The following GOLGB1 variants were observed in gnomAD, a reference collection of about 807,000 sequenced individuals.
GOLGB1 encodes the protein golgin subfamily B member 1.
In GOLGB1, 174 loss-of-function variants were observed where a neutral mutation model predicts 336.9. The ratio of observed to expected loss-of-function variants is 0.52; its 90% CI spans 0.46 to 0.59. The LOEUF (loss-of-function observed/expected upper bound fraction) is 0.59. Among genes scored for constraint, GOLGB1 ranks in the 20% least tolerant of loss-of-function variants. GOLGB1 has a pLI of 0.00. For missense variants in GOLGB1, 3,331 were observed against 3,645.3 expected (o/e 0.91, Z 2.22); for synonymous variants, 1,208 against 1,289.2 (o/e 0.94, Z 1.35).
At position 121,716,823 on chromosome 3, in the gene GOLGB1, T is replaced by A; in HGVS notation, c.1202A>T (p.Asp401Val). 6.2e-7 allele frequency: 1 copy of A among 1,612,970 alleles called. No homozygotes were observed. ...CTTTGAATTTTGATCCTTTAGAGCA[T>A]CACAGGCAGACTGCAGCTCTTGTCC... ...KTGQELQSAC[D>V]ALKDQNSKLL... The change falls in exon 9 of 22, where the codon GAT becomes GTT. Residue 401 changes from aspartate to valine, a missense_variant. By Grantham distance (152) the Asp-to-Val change is radical. Coordinates refer to ENST00000614479, the MANE Select transcript of GOLGB1 (RefSeq NM_001366282.2).
intron 6 of GOLGB1, 64 bp from the exon 7 acceptor site, chr3:121,719,832 C>A: frequency 7.1e-7 from 1 of 1,408,074 alleles, no homozygotes. Flanking sequence ...AAATAAAACT[C>A]ACAGACTACT....
intron 5 of GOLGB1, among the ~76,000 whole-genome samples, 194 bp downstream of exon 5, chr3:121,726,719 C>T (rs1459028779): frequency 6.6e-6 from 1 of 151,856 alleles, no homozygotes; most frequent in Non-Finnish European, 1.5e-5. Flanking sequence ...CTATGAATAA[C>T]AACTAAAAAT....
intron 2 of GOLGB1, 175 bp from the exon 3 acceptor site, chr3:121,730,192 T>G: frequency 2.1e-6 from 1 of 485,676 alleles, no homozygotes; most frequent in Non-Finnish European, 3.6e-6. Context: ...ATTAAGTATT[T>G]TATAAATGTT....
chr3:121,746,470 TTTATTTATTTATTTAA>T (rs1947291649), intron 1 of GOLGB1, among the ~76,000 whole-genome samples: 1 of 116,246 alleles, frequency 8.6e-6, no homozygotes, highest in Non-Finnish European at 1.8e-5. Flanking sequence ...TATTTATTTA[TTTATTTATTTATTTAA>T]TGTTATTTAT....
In GOLGB1 at chr3:121,697,233, G is replaced by A. The variant is rs1158048449; in HGVS notation, c.3290C>T (p.Ala1097Val). Residue 1097 changes from alanine (A) to valine (V), a missense_variant, in exon 13 of 22, where the codon GCT becomes GTT. Ala to Val is a moderately conservative substitution (Grantham distance 64). Transcript: ENST00000614479. ...GGTCTGATTCATCTGTTTGACCAGA[G>A]CCTGGAATTGCTCTTCAGCTGCCAG... ...EKLAAEEQFQ[A>V]LVKQMNQTLQ... The A allele has an allele frequency of 6.2e-7, 1 of 1,613,956 alleles. No individual in the cohort carries two copies. The highest frequency in any genetic ancestry group is 1.3e-5 in the African/African-American group (1 of 74,918).
At chr3:121,722,747 C>G (rs902852287) in intron 5 of GOLGB1, among the ~76,000 whole-genome samples, 12 of 152,088 alleles carry the variant, frequency 7.9e-5, no homozygotes, top group African/African-American at 2.7e-4. Flanking sequence ...TAGAGTCTTA[C>G]ATTGTGTAAG....
intron 10 of GOLGB1, among the ~76,000 whole-genome samples, chr3:121,703,995 A>G (rs1943613831): frequency 6.6e-6 from 1 of 152,174 alleles, no homozygotes; most frequent in African/African-American, 2.4e-5. Context: ...AATAAACATA[A>G]TATCTGAAAT....
At chr3:121,688,705 G>T (rs1422654154) in intron 14 of GOLGB1, among the ~76,000 whole-genome samples, 1 of 151,336 alleles carries the variant, frequency 6.6e-6, no homozygotes, top group East Asian at 2.0e-4. Flanking sequence ...AGTGAGGAGC[G>T]TCTCTGCCCG....
Position 121,695,102 on chromosome 3 carries a change from A to C in GOLGB1, c.5421T>G (p.Ser1807=), listed in dbSNP as rs1322838207. Residue 1807 remains serine, a synonymous_variant, in exon 13 of 22, where the codon TCT becomes TCG. Transcript: ENST00000614479. ...SIPGETEEQD[S]LSMSTRPTCS... ...ATGTAGGTCTTGTGCTCATACTCAGAGAGTCTTGCTCTTCAGTCTCACCTG... is the reference window on the plus strand; with the variant it reads ...ATGTAGGTCTTGTGCTCATACTCAGCGAGTCTTGCTCTTCAGTCTCACCTG... 1 of 1,613,098 alleles carries C rather than the reference A, an allele frequency of 6.2e-7. No homozygotes were observed. The highest frequency in any genetic ancestry group is 8.5e-7 in the Non-Finnish European group (1 of 1,179,924).
In GOLGB1 at chr3:121,691,858, G is replaced by A; in HGVS notation, c.7506C>T (p.Leu2502=). 1 of 1,612,514 alleles carries A rather than the reference G, an allele frequency of 6.2e-7. No homozygotes were observed. The highest frequency in any genetic ancestry group is 8.5e-7 in the Non-Finnish European group (1 of 1,178,798). ...TATTCTCTGCAGCAGCCTCTTGGAT[G>A]AGTTGGTCTTTTTCCAAGATTATAG... ...HLSIILEKDQ[L]IQEAAAENNK... is the part of the protein sequence containing the mutation. Residue 2502 remains leucine, a synonymous_variant, in exon 14 of 22, where the codon CTC becomes CTT. Coordinates refer to ENST00000614479, the MANE Select transcript of GOLGB1 (RefSeq NM_001366282.2).
chr3:121,747,997 T>G (rs1464255145), intron 1 of GOLGB1, among the ~76,000 whole-genome samples: 2 of 152,066 alleles, frequency 1.3e-5, no homozygotes, highest in Non-Finnish European at 2.9e-5. Context: ...AATTAATGAA[T>G]GATTTATTTT....
Position 121,730,985 on chromosome 3 carries a change from G to C in GOLGB1, c.-2-12C>G. 2 of 1,606,568 alleles carry C rather than the reference G, an allele frequency of 1.2e-6. No individual in the cohort carries two copies. The highest frequency in any genetic ancestry group is 2.2e-5 in the South Asian group (2 of 89,874). ...TCGGCTCAGCATTTCTGTAGGAAAA[G>C]AAGGGGGGAAAAAACCTAAGAATCA... On this transcript the variant is annotated splice_polypyrimidine_tract_variant and intron_variant, in intron 1 of 21. Transcript: ENST00000614479.
rs774733107 is a variant in GOLGB1, at chr3:121,698,938, A to C, written c.1594-9T>G. 6.7e-7 allele frequency: 1 copy of C among 1,496,246 alleles called. No homozygotes were observed. Among genetic ancestry groups the C allele is most frequent in the Non-Finnish European group, 8.9e-7 (1 of 1,119,440 alleles). 92.7% of individuals were successfully genotyped at this position (1,496,246 alleles called of 1,614,324 possible). ...ATATCAACAATGCTGATCTATTTTT[A>C]AAAAAGAAAAAAAAAGCTGTAATCA... On this transcript the variant is annotated splice_polypyrimidine_tract_variant and intron_variant, in intron 12 of 21. Coordinates refer to ENST00000614479, the MANE Select transcript of GOLGB1 (RefSeq NM_001366282.2).
chr3:121,715,431 G>A (rs1944684262), intron 9 of GOLGB1, among the ~76,000 whole-genome samples: 1 of 146,296 alleles, frequency 6.8e-6, no homozygotes. Flanking sequence ...TGGCCAGGCT[G>A]GTCTCGAACT....
At chr3:121,687,193 C>T (rs1297046418) in intron 14 of GOLGB1, among the ~76,000 whole-genome samples, 3 of 151,980 alleles carry the variant, frequency 2.0e-5, no homozygotes, top group Non-Finnish European at 4.4e-5. Flanking sequence ...ACCTGGGAGG[C>T]GGAGGTTGCA....
At chr3:121,734,149 G>T (rs1466230419) in intron 1 of GOLGB1, among the ~76,000 whole-genome samples, 4 of 152,078 alleles carry the variant, frequency 2.6e-5, no homozygotes, top group African/African-American at 9.7e-5. Flanking sequence ...CAGCACTTTG[G>T]GAGGCTGAGG....
chr3:121,695,707 T>C lies in GOLGB1; in HGVS notation c.4816A>G (p.Ser1606Gly). 1 of 1,611,706 alleles carries C rather than the reference T, an allele frequency of 6.2e-7. No individual in the cohort carries two copies. Among genetic ancestry groups the C allele is most frequent in the Non-Finnish European group, 8.5e-7 (1 of 1,179,974 alleles). Residue 1606 changes from serine to glycine, a missense_variant, in exon 13 of 22, where the codon AGT becomes GGT. By Grantham distance (56) the Ser-to-Gly change is moderately conservative (BLOSUM62 0). Transcript: ENST00000614479. ...TTGTGTTTCTCTTGCCACTCAGTACTTTCTGCAATCTTAGAAGATTTCAAA... is the reference window on the plus strand; with the variant it reads ...TTGTGTTTCTCTTGCCACTCAGTACCTTCTGCAATCTTAGAAGATTTCAAA... ...ESLKSSKIAE[S>G]TEWQEKHKEL...
intron 14 of GOLGB1, among the ~76,000 whole-genome samples, chr3:121,687,665 G>C (rs760408159): frequency 1.3e-5 from 2 of 152,168 alleles, no homozygotes; most frequent in Non-Finnish European, 2.9e-5. Flanking sequence ...CTATCCAGCA[G>C]ACAAAAATGT....
At chr3:121,724,054 G>A (rs1020195296) in intron 5 of GOLGB1, among the ~76,000 whole-genome samples, 4 of 152,040 alleles carry the variant, frequency 2.6e-5, no homozygotes, top group Admixed American at 6.6e-5. Flanking sequence ...AAGAGAAAAC[G>A]GACTAAAAAG....
Sources: allele counts gnomAD v4.1 joint callset (sites outside exome capture counted in the v4.1 genomes callset), GRCh38; gene constraint gnomAD v4.1.1; transcripts MANE v1.5; gene names NCBI Gene and HGNC (gene_info 2026-07-23, HGNC 2026-07-21).